Variants in FAF1 observed in about 807,000 individuals in gnomAD.
FAF1 encodes FAS-associated factor 1.
FAF1 carries 25 observed loss-of-function variants against 92.5 expected under a neutral mutation model. That is an observed-to-expected ratio of 0.27 (90% CI 0.20 to 0.38). FAF1 has a LOEUF of 0.38. FAF1 is among the 10% of genes least tolerant of loss of function. The pLI is 1.00. For missense variants in FAF1, 636 were observed against 793.3 expected, an observed-to-expected ratio of 0.80 and a Z score of 2.38; for synonymous variants, 234 against 273.2, an observed-to-expected ratio of 0.86 and a Z score of 1.42.
In FAF1 at chr1:50,780,844, T is replaced by G. The variant is rs1661149104; in HGVS notation, c.367+7156A>C. 4 of 450,538 alleles carry G rather than the reference T, an allele frequency of 8.9e-6. No homozygotes were observed. The Admixed American group carries it at 9.0e-5, about 10-fold the overall frequency. 27.9% of individuals were successfully genotyped at this position (450,538 alleles called of 1,614,324 possible). On this transcript the variant is annotated intron_variant, in intron 4 of 18. Transcript: ENST00000396153. ...GGGTTTATCCTGGATAACGTGTCCT[T>G]GATGCATCTTACCTTCAGGAGGAGT... is the stretch of plus-strand genomic sequence containing the variant.
intron 6 of FAF1, among the ~76,000 whole-genome samples, chr1:50,735,741 G>C (rs1659111412): frequency 6.6e-6 from 1 of 151,930 alleles, no homozygotes; most frequent in South Asian, 2.1e-4. Context: ...TTAGAGACAG[G>C]GTCTTGCTCT....
At chr1:50,614,051 T>G (rs1368198724) in intron 8 of FAF1, among the ~76,000 whole-genome samples, 1 of 151,760 alleles carries the variant, frequency 6.6e-6, no homozygotes, top group Non-Finnish European at 1.5e-5. Context: ...GAGTCGGGAT[T>G]GTGCCACTGC....
At chr1:50,904,431 G>A (rs1018497930) in intron 1 of FAF1, among the ~76,000 whole-genome samples, 1 of 152,180 alleles carries the variant, frequency 6.6e-6, no homozygotes, top group Non-Finnish European at 1.5e-5. Context: ...TTCTGGAGAT[G>A]AATGGTGGTA....
At chr1:50,801,701 C>A (rs747001681) in intron 2 of FAF1, 24 bp from the exon 3 acceptor site, 3 of 1,506,830 alleles carry the variant, frequency 2.0e-6, no homozygotes, top group South Asian at 1.1e-5. Context: ...ACAGAGAAGG[C>A]CATTTAAAGA....
At chr1:50,485,667 C>CAAAAAAAAA (rs999538430) in intron 17 of FAF1, among the ~76,000 whole-genome samples, 24 of 13,688 alleles carry the variant, frequency 1.8e-3, no homozygotes, top group African/African-American at 3.1e-3. Context: ...GAGACTGTCT[C>CAAAAAAAAA]AAAAAAAAAA....
chr1:50,892,190 T>C (rs936843856), intron 1 of FAF1, among the ~76,000 whole-genome samples: 2 of 152,234 alleles, frequency 1.3e-5, no homozygotes, highest in African/African-American at 4.8e-5. Flanking sequence ...GTGTGCCGTT[T>C]GCTAAGACCA....
chr1:50,725,992 T>G (rs1186768851), intron 6 of FAF1, among the ~76,000 whole-genome samples: 1 of 152,106 alleles, frequency 6.6e-6, no homozygotes, highest in African/African-American at 2.4e-5. Flanking sequence ...CAGTGCCTCA[T>G]GCCTGTAACC....
intron 12 of FAF1, among the ~76,000 whole-genome samples, chr1:50,572,734 C>T (rs1650504144): frequency 6.6e-6 from 1 of 152,188 alleles, no homozygotes; most frequent in Admixed American, 6.5e-5. Flanking sequence ...TCTGTTAAAA[C>T]TCTTTTCTAG....
In FAF1 at chr1:50,704,677, G is replaced by GA. The variant is rs572236044; in HGVS notation, c.657+1108dup. Among the ~76,000 whole-genome samples, 57 of 151,674 alleles carry GA rather than the reference G, an allele frequency of 3.8e-4. 4 individuals carry two copies. The highest frequency in any genetic ancestry group is 1.4e-3 in the African/African-American group (56 of 41,390). On this transcript the variant is annotated intron_variant, in intron 7 of 18. Transcript: ENST00000396153. ...ACAATTTATACATATTTAAAATCCT[G>GA]AAAAAAAATTAAATAACGCAAACCT...
intron 12 of FAF1, among the ~76,000 whole-genome samples, chr1:50,580,724 A>G (rs572702116): frequency 1.9e-4 from 29 of 152,348 alleles, no homozygotes; most frequent in Non-Finnish European, 2.9e-4. Context: ...AGAGCATAAC[A>G]AAGTTAACAG....
intron 1 of FAF1, among the ~76,000 whole-genome samples, chr1:50,941,525 T>C (rs1645132993): frequency 6.6e-6 from 1 of 152,118 alleles, no homozygotes; most frequent in African/African-American, 2.4e-5. Context: ...CCTCAGCTAA[T>C]TTTTCAAGTT....
intron 8 of FAF1, among the ~76,000 whole-genome samples, chr1:50,619,807 A>C (rs777967666): frequency 6.6e-6 from 1 of 151,978 alleles, no homozygotes; most frequent in Non-Finnish European, 1.5e-5. Context: ...AGATTAGGGA[A>C]ATTTTCATGG....
intron 13 of FAF1, among the ~76,000 whole-genome samples, chr1:50,546,676 A>G (rs1649035001): frequency 6.6e-6 from 1 of 151,986 alleles, no homozygotes; most frequent in African/African-American, 2.4e-5. Flanking sequence ...TAATTTGTTT[A>G]TATACAAAAT....
At chr1:50,634,575 T>G (rs560669832) in intron 8 of FAF1, among the ~76,000 whole-genome samples, 2 of 152,210 alleles carry the variant, frequency 1.3e-5, no homozygotes, top group Non-Finnish European at 2.9e-5. Context: ...GGTACAAGGC[T>G]GCCAACAAGA....
At chr1:50,632,219 T>C (rs1338033390) in intron 8 of FAF1, among the ~76,000 whole-genome samples, 5 of 152,174 alleles carry the variant, frequency 3.3e-5, no homozygotes, top group African/African-American at 9.7e-5. Flanking sequence ...AATGTCATAT[T>C]TGTCACTAGT....
At chr1:50,545,423 C>A (rs1011734948) in intron 13 of FAF1, among the ~76,000 whole-genome samples, 1 of 151,996 alleles carries the variant, frequency 6.6e-6, no homozygotes. Flanking sequence ...TATGTGCCAC[C>A]ATGCCTGGCT....
At chr1:50,711,827 A>G (rs938850974) in intron 6 of FAF1, among the ~76,000 whole-genome samples, 1 of 152,132 alleles carries the variant, frequency 6.6e-6, no homozygotes, top group African/African-American at 2.4e-5. Flanking sequence ...CCTTATGAGT[A>G]GAGTTTGTTT....
chr1:50,607,564 T>C lies in FAF1; in HGVS notation c.745-11348A>G, dbSNP rs76595394. ...TACTCTTAGGCTTCTGCTCAGTCCA[T>C]TACTCTTGCCTGGGTTTCCCTCACC... On this transcript the variant is annotated intron_variant, in intron 8 of 18. Transcript: ENST00000396153. Among the ~76,000 whole-genome samples the C allele has an allele frequency of 5.2e-3, 789 of 152,316 alleles. 6 individuals are homozygous for C. Among genetic ancestry groups the C allele is most frequent in the Non-Finnish European group, 7.5e-3 (513 of 68,028 alleles).
rs185324136 is a variant in FAF1 at position 50,812,960 on chromosome 1, C to T, written c.115-11283G>A. 1.2e-3 allele frequency among the ~76,000 whole-genome samples: 179 copies of T among 152,194 alleles called. 1 individual carries two copies. Among genetic ancestry groups the T allele is most frequent in the East Asian group, 8.9e-3 (46 of 5,172 alleles). Reference sequence around the variant, plus strand: ...GCTGGAGGCCATTATCCCAAACTAACGCAGGTACAGAAAACCAAACATAGT... The same window carrying T: ...GCTGGAGGCCATTATCCCAAACTAATGCAGGTACAGAAAACCAAACATAGT... On this transcript the variant is annotated intron_variant, in intron 2 of 18. Coordinates refer to ENST00000396153, the MANE Select transcript of FAF1 (RefSeq NM_007051.3).
Sources: allele counts gnomAD v4.1 joint callset (sites outside exome capture counted in the v4.1 genomes callset), GRCh38; gene constraint gnomAD v4.1.1; transcripts MANE v1.5; gene names NCBI Gene and HGNC (gene_info 2026-07-23, HGNC 2026-07-21).